The following NREP variants were observed in gnomAD, a reference collection of about 807,000 sequenced individuals.
The protein encoded by NREP is neuronal regeneration related protein.
Under a neutral mutation model 8.6 loss-of-function variants are expected in NREP, and 5 were observed. That is an observed-to-expected ratio of 0.58 (90% confidence interval 0.30 to 1.22). The LOEUF (loss-of-function observed/expected upper bound fraction) is 1.22. Ranked by LOEUF, NREP falls within the 50% of genes most tolerant of loss-of-function variation. The pLI is 0.07. For missense variants in NREP, 86 were observed against 82.5 expected (o/e 1.04, Z -0.17); for synonymous variants, 27 against 28.0 (o/e 0.96, Z 0.11).
chr5:111,918,700 A>T (rs1381174783), intron 2 of NREP, among the ~76,000 whole-genome samples: 1 of 152,210 alleles, frequency 6.6e-6, no homozygotes, highest in East Asian at 1.9e-4. Context: ...TACCTTATAC[A>T]AACATTAACT....
At chr5:111,877,053 T>C (rs868301370) in intron 2 of NREP, among the ~76,000 whole-genome samples, 29 of 152,292 alleles carry the variant, frequency 1.9e-4, no homozygotes, top group South Asian at 8.3e-4. Flanking sequence ...GAAATCACCT[T>C]CTTTTTCAAA....
At chr5:111,948,072 G>C (rs1756041504) in intron 2 of NREP, among the ~76,000 whole-genome samples, 1 of 151,952 alleles carries the variant, frequency 6.6e-6, no homozygotes, top group Non-Finnish European at 1.5e-5. Context: ...AAATCCATTT[G>C]TTAGTCCCAA....
At chr5:111,750,397 A>C (rs1561646163) in intron 2 of NREP, among the ~76,000 whole-genome samples, 1 of 152,088 alleles carries the variant, frequency 6.6e-6, no homozygotes, top group Non-Finnish European at 1.5e-5. Flanking sequence ...TTTTGTGCCA[A>C]CTCCAATCGT....
chr5:111,901,104 A>G (rs116610585), intron 2 of NREP, among the ~76,000 whole-genome samples: 1,855 of 152,292 alleles, frequency 0.012, 19 homozygotes, highest in Non-Finnish European at 0.018. Flanking sequence ...ATGGTTCAAC[A>G]TGTGCAAACC....
chr5:111,781,206 C>G (rs755737408), intron 2 of NREP, among the ~76,000 whole-genome samples: 13 of 152,042 alleles, frequency 8.6e-5, no homozygotes, highest in Non-Finnish European at 1.0e-4. Context: ...TTTGTAAGAG[C>G]CTTGACCAAT....
intron 2 of NREP, among the ~76,000 whole-genome samples, chr5:111,923,934 G>A (rs1159852076): frequency 6.6e-6 from 1 of 152,118 alleles, no homozygotes; most frequent in East Asian, 1.9e-4. Flanking sequence ...TCAAGGAATG[G>A]GTCTTGGCTG....
chr5:111,970,033 T>C (rs535571013), intron 2 of NREP, among the ~76,000 whole-genome samples: 3 of 152,232 alleles, frequency 2.0e-5, no homozygotes, highest in South Asian at 4.1e-4. Flanking sequence ...AAATTCTCTT[T>C]CCATTTTATG....
intron 2 of NREP, among the ~76,000 whole-genome samples, chr5:111,744,092 C>A (rs1749850055): frequency 6.6e-6 from 1 of 152,108 alleles, no homozygotes; most frequent in African/African-American, 2.4e-5. Flanking sequence ...TCAAAGCATT[C>A]CTCTTGTTGA....
At chr5:111,967,628 C>A (rs530669913) in intron 2 of NREP, among the ~76,000 whole-genome samples, 1 of 152,058 alleles carries the variant, frequency 6.6e-6, no homozygotes, top group East Asian at 1.9e-4. Context: ...CGCCTCTGCC[C>A]GGCCCCCGCC....
intron 2 of NREP, among the ~76,000 whole-genome samples, chr5:111,906,617 T>G (rs1264107379): frequency 6.6e-6 from 1 of 152,026 alleles, no homozygotes; most frequent in African/African-American, 2.4e-5. Flanking sequence ...TTTGGCAGAG[T>G]TAACTGCTCA....
intron 2 of NREP, among the ~76,000 whole-genome samples, chr5:111,873,460 T>C (rs533822022): frequency 1.3e-5 from 2 of 152,322 alleles, no homozygotes; most frequent in African/African-American, 4.8e-5. Context: ...ACTGTTGGAA[T>C]GATTTGGTTC....
intron 2 of NREP, among the ~76,000 whole-genome samples, chr5:111,788,312 T>C (rs929190207): frequency 6.6e-6 from 1 of 152,234 alleles, no homozygotes; most frequent in Non-Finnish European, 1.5e-5. Flanking sequence ...TCTTCCTGTA[T>C]TCTCAATATC....
chr5:111,783,408 T>A (rs1232417928), intron 2 of NREP, among the ~76,000 whole-genome samples: 1 of 152,222 alleles, frequency 6.6e-6, no homozygotes, highest in Non-Finnish European at 1.5e-5. Flanking sequence ...TTGGCTCAAG[T>A]ATTCAATTCA....
At chr5:111,792,256 T>A (rs1213397) in intron 2 of NREP, among the ~76,000 whole-genome samples, 77,517 of 152,082 alleles carry the variant, frequency 0.51, 20,412 homozygotes, top group African/African-American at 0.65. Flanking sequence ...TACCACACTG[T>A]CAGTCTCATT....
chr5:111,739,889 T>C (rs549907309), intron 2 of NREP, among the ~76,000 whole-genome samples: 2 of 152,250 alleles, frequency 1.3e-5, no homozygotes, highest in African/African-American at 4.8e-5. Context: ...ATGTATACAA[T>C]AAACAATTGT....
At position 111,730,200 on chromosome 5, in the gene NREP, C is replaced by G. The variant is rs1229492597; in HGVS notation, c.*721G>C. On this transcript the variant is annotated 3_prime_UTR_variant, in exon 4 of 4. Coordinates refer to ENST00000257435, the MANE Select transcript of NREP (RefSeq NM_004772.4). ...GGTAGCATTCGCTCAACCTACAACA[C>G]TGAGGAAGAAAGCCACACTGAAGAC... 1.3e-5 allele frequency: 2 copies of G among 152,502 alleles called. No individual in the cohort carries two copies. Among genetic ancestry groups the G allele is most frequent in the Non-Finnish European group, 2.9e-5 (2 of 68,034 alleles). 9.4% of individuals were successfully genotyped at this position (152,502 alleles called of 1,614,324 possible). A position where few individuals can be genotyped will look rare whatever the true frequency, so the allele number is the denominator to read the frequency against.
intron 2 of NREP, among the ~76,000 whole-genome samples, chr5:111,745,175 G>GC (rs1419884054): frequency 6.6e-6 from 1 of 152,146 alleles, no homozygotes; most frequent in Admixed American, 6.5e-5. Flanking sequence ...TAAAGCGCTG[G>GC]CAACAGGATC....
At chr5:111,878,049 A>G (rs1219778298) in intron 2 of NREP, among the ~76,000 whole-genome samples, 1 of 152,364 alleles carries the variant, frequency 6.6e-6, no homozygotes, top group African/African-American at 2.4e-5. Flanking sequence ...GAACTGGATC[A>G]TTGAACAGGA....
intron 2 of NREP, among the ~76,000 whole-genome samples, chr5:111,931,753 T>C (rs986066100): frequency 3.3e-5 from 5 of 152,176 alleles, no homozygotes; most frequent in African/African-American, 1.2e-4. Context: ...TTCTAAAAGA[T>C]TGCATCCTAA....
Sources: allele counts gnomAD v4.1 joint callset (sites outside exome capture counted in the v4.1 genomes callset), GRCh38; gene constraint gnomAD v4.1.1; transcripts MANE v1.5; gene names NCBI Gene and HGNC (gene_info 2026-07-23, HGNC 2026-07-21).